CNTN4: variants seen among roughly 807,000 people sequenced by gnomAD.
The protein encoded by CNTN4 is contactin 4.
CNTN4 carries 77 observed loss-of-function variants against 122.5 expected under a neutral mutation model. The ratio of observed to expected loss-of-function variants is 0.63; its 90% CI spans 0.52 to 0.76. CNTN4 has a LOEUF of 0.76. Among genes scored for constraint, CNTN4 ranks in the 30% least tolerant of loss-of-function variants. The pLI, the probability that CNTN4 is intolerant of heterozygous loss-of-function variation, is 0.00. For synonymous variants in CNTN4, 512 were observed against 447.0 expected (o/e 1.15, Z -1.83); for missense variants, 1,256 against 1,259.1 (o/e 1.00, Z 0.04).
chr3:2,580,033 T>TTGTGTG (rs1461712289), intron 4 of CNTN4, among the ~76,000 whole-genome samples: 1 of 62,552 alleles, frequency 1.6e-5, no homozygotes, highest in African/African-American at 3.9e-5. Flanking sequence ...TTGGTTAAGC[T>TTGTGTG]TGTATGTGTG....
At chr3:2,610,832 G>A (rs2081450790) in intron 4 of CNTN4, among the ~76,000 whole-genome samples, 3 of 152,090 alleles carry the variant, frequency 2.0e-5, no homozygotes, top group South Asian at 2.1e-4. Flanking sequence ...GTTTTCCATT[G>A]CTAAAAAGAA....
intron 16 of CNTN4, among the ~76,000 whole-genome samples, chr3:3,032,020 A>G (rs1031127518): frequency 2.0e-5 from 3 of 152,218 alleles, no homozygotes; most frequent in African/African-American, 7.2e-5. Flanking sequence ...AATGTGTGGG[A>G]GTTACCAACT....
At chr3:3,001,678 C>T (rs1413568038) in intron 14 of CNTN4, among the ~76,000 whole-genome samples, 5 of 152,080 alleles carry the variant, frequency 3.3e-5, no homozygotes, top group East Asian at 1.9e-4. Flanking sequence ...GCATTTGACA[C>T]GCAGTATTAA....
rs762257805 is a variant in CNTN4 at position 2,571,458 on chromosome 3, C to T, written c.-46C>T. 17 of 1,391,318 alleles carry T rather than the reference C, an allele frequency of 1.2e-5. No individual in the cohort carries two copies. The highest frequency in any genetic ancestry group is 1.0e-4 in the South Asian group (9 of 86,514). The allele number at this position is 1,391,318 out of a possible 1,614,324, so 86.2% of individuals were successfully genotyped here. On this transcript the variant is annotated 5_prime_UTR_variant, in exon 4 of 25. Coordinates refer to ENST00000418658, the MANE Select transcript of CNTN4 (RefSeq NM_175607.3). ...ACTTAAAAGAAGCAGCAATTCTATT[C>T]GCTTGTTATTGGACTTGAAACTCCC... is the stretch of plus-strand genomic sequence containing the variant.
intron 2 of CNTN4, among the ~76,000 whole-genome samples, chr3:2,113,355 G>A (rs2033104956): frequency 6.6e-6 from 1 of 152,168 alleles, no homozygotes. Context: ...TCAGAATAGA[G>A]TATCATTTAT....
chr3:2,822,855 G>C (rs1384420513), intron 7 of CNTN4, among the ~76,000 whole-genome samples: 1 of 152,148 alleles, frequency 6.6e-6, no homozygotes, highest in East Asian at 1.9e-4. Context: ...TCCTTGAGCT[G>C]TGCTGACATT....
chr3:2,225,085 G>A (rs936456518), intron 2 of CNTN4, among the ~76,000 whole-genome samples: 2 of 151,410 alleles, frequency 1.3e-5, no homozygotes, highest in African/African-American at 4.9e-5. Flanking sequence ...GGGAGGTAGA[G>A]CTTGCAAGTG....
chr3:2,868,224 CTCAA>C (rs1197420493), intron 8 of CNTN4, among the ~76,000 whole-genome samples: 3 of 152,190 alleles, frequency 2.0e-5, no homozygotes, highest in Non-Finnish European at 1.5e-5. Context: ...TCATTTAAAT[CTCAA>C]TCAATTATAT....
chr3:3,033,190 T>C (rs1699325278), intron 16 of CNTN4, among the ~76,000 whole-genome samples: 1 of 152,040 alleles, frequency 6.6e-6, no homozygotes, highest in Non-Finnish European at 1.5e-5. Context: ...GTGAAAAAAA[T>C]TATATTGTCT....
chr3:2,621,646 TA>T (rs891078949), intron 4 of CNTN4, among the ~76,000 whole-genome samples: 6 of 151,844 alleles, frequency 4.0e-5, no homozygotes, highest in African/African-American at 1.5e-4. Flanking sequence ...TAAAGTATAA[TA>T]AAAAAATTAA....
At chr3:2,859,781 C>T (rs543147013) in intron 7 of CNTN4, among the ~76,000 whole-genome samples, 1 of 152,252 alleles carries the variant, frequency 6.6e-6, no homozygotes, top group East Asian at 1.9e-4. Context: ...TCATATTTGG[C>T]TTATTGTCTA....
At chr3:2,191,672 TA>T (rs1316095329) in intron 2 of CNTN4, among the ~76,000 whole-genome samples, 2 of 150,920 alleles carry the variant, frequency 1.3e-5, no homozygotes, top group African/African-American at 4.9e-5. Context: ...TGAGTGAGGT[TA>T]TCTATTTAAC....
At chr3:2,303,653 C>G (rs2042603305) in intron 2 of CNTN4, among the ~76,000 whole-genome samples, 1 of 152,090 alleles carries the variant, frequency 6.6e-6, no homozygotes, top group Non-Finnish European at 1.5e-5. Context: ...TTTCTCATGA[C>G]TTTGGATTAA....
At chr3:2,717,307 C>T (rs1208017834) in intron 4 of CNTN4, among the ~76,000 whole-genome samples, 1 of 152,066 alleles carries the variant, frequency 6.6e-6, no homozygotes, top group Non-Finnish European at 1.5e-5. Context: ...CACCTTATTT[C>T]CTTCTGGGAA....
intron 13 of CNTN4, among the ~76,000 whole-genome samples, chr3:2,941,517 T>C (rs560966610): frequency 9.1e-4 from 139 of 152,308 alleles, no homozygotes; most frequent in African/African-American, 3.3e-3. Flanking sequence ...TCACTGCTAA[T>C]TTCTGTTTCA....
chr3:2,990,886 A>G (rs1694993868), intron 14 of CNTN4, among the ~76,000 whole-genome samples: 1 of 152,200 alleles, frequency 6.6e-6, no homozygotes, highest in Admixed American at 6.5e-5. Context: ...ATTTTTTAAA[A>G]TTTTATTAAC....
intron 2 of CNTN4, among the ~76,000 whole-genome samples, chr3:2,240,228 G>A (rs1202765612): frequency 6.6e-6 from 1 of 152,070 alleles, no homozygotes; most frequent in African/African-American, 2.4e-5. Context: ...TTTTCAGTTG[G>A]CTTTCATATT....
In CNTN4 at chr3:2,705,618, TA is replaced by T. The variant is rs2086640640; in HGVS notation, c.56-30596del. 6.3e-5 allele frequency among the ~76,000 whole-genome samples: 5 copies of T among 79,502 alleles called. No individual in the cohort carries two copies. The Admixed American group carries it at 6.9e-4, about 11-fold the overall frequency. The allele number at this position is 79,502 out of a possible 152,430, so 52.2% of individuals were successfully genotyped here. A position where few individuals can be genotyped will look rare whatever the true frequency, so the allele number is the denominator to read the frequency against. On this transcript the variant is annotated intron_variant, in intron 4 of 24. Coordinates refer to ENST00000418658, the MANE Select transcript of CNTN4 (RefSeq NM_175607.3). ...TTTATATAAATTTTATATATTTATA[TA>T]TAATATATAAATATATATATTATAT...
intron 6 of CNTN4, among the ~76,000 whole-genome samples, chr3:2,748,185 A>G (rs1204400980): frequency 6.6e-6 from 1 of 152,210 alleles, no homozygotes; most frequent in African/African-American, 2.4e-5. Flanking sequence ...TGAAGCTGAC[A>G]ATAATATTTA....
Sources: allele counts gnomAD v4.1 joint callset (sites outside exome capture counted in the v4.1 genomes callset), GRCh38; gene constraint gnomAD v4.1.1; transcripts MANE v1.5; gene names NCBI Gene and HGNC (gene_info 2026-07-23, HGNC 2026-07-21).